The following MRPS17 variants were observed in gnomAD, a reference collection of about 807,000 sequenced individuals.
MRPS17 encodes the protein mitochondrial ribosomal protein S17.
Under a neutral mutation model 11.3 loss-of-function variants are expected in MRPS17, and 6 were observed. The ratio of observed to expected loss-of-function variants is 0.53; its 90% CI spans 0.29 to 1.05. MRPS17 has a LOEUF of 1.05. Ranked by LOEUF, MRPS17 falls within the 50% of genes least tolerant of loss-of-function variation. The pLI is 0.08. For synonymous variants in MRPS17, 56 were observed against 60.4 expected (o/e 0.93, Z 0.34); for missense variants, 139 against 153.6 (o/e 0.90, Z 0.50).
At chr7:55,953,070 G>A in intron 1 of MRPS17, 109 bp from the exon 2 acceptor site, 2 of 1,189,676 alleles carry the variant, frequency 1.7e-6, no homozygotes, top group Non-Finnish European at 2.4e-6. Context: ...GTGGAGGGGG[G>A]AACGAAAAAG....
chr7:55,952,592 C>T (rs931974218), intron 1 of MRPS17, among the ~76,000 whole-genome samples: 1 of 151,480 alleles, frequency 6.6e-6, no homozygotes, highest in African/African-American at 2.4e-5. Context: ...AAAATTAGCT[C>T]GGCGTGGTGG....
In MRPS17 at chr7:55,956,381, A is replaced by C. The variant is rs1000720848; in HGVS notation, c.*1203A>C. The C allele has an allele frequency of 6.6e-6, 1 of 152,296 alleles. No homozygotes were observed. The highest frequency in any genetic ancestry group is 2.4e-5 in the African/African-American group (1 of 41,566). 9.4% of individuals were successfully genotyped at this position (152,296 alleles called of 1,614,324 possible). A position where few individuals can be genotyped will look rare whatever the true frequency, so the allele number is the denominator to read the frequency against. ...TGATCCGCCCGCCTGGGCCTCTCAA[A>C]GTGCTTGGATTACAGGCATGAGCCA... is the stretch of plus-strand genomic sequence containing the variant. On this transcript the variant is annotated 3_prime_UTR_variant, in exon 3 of 3. Coordinates refer to ENST00000285298, the MANE Select transcript of MRPS17 (RefSeq NM_015969.3).
rs1436635428 is a variant in MRPS17 at position 55,955,386 on chromosome 7, C to G, written c.*208C>G. ...AATTTTCATCATTTCAGTGAACATA[C>G]TTCCACGTTACATTAAGTGTGCCTA... On this transcript the variant is annotated 3_prime_UTR_variant, in exon 3 of 3. Transcript: ENST00000285298. 1 of 611,904 alleles carries G rather than the reference C, an allele frequency of 1.6e-6. No individual in the cohort carries two copies. The highest frequency in any genetic ancestry group is 2.8e-6 in the Non-Finnish European group (1 of 355,292). The allele number at this position is 611,904 out of a possible 1,614,324, so 37.9% of individuals were successfully genotyped here.
In MRPS17 at chr7:55,953,590, T is replaced by G. The variant is rs1300176189; in HGVS notation, c.123+272T>G. ...TAATCCCAGCACTTTGGGAGGCCGA[T>G]GCGGTTGGATCACCTGAGATCAGGA... On this transcript the variant is annotated intron_variant, in intron 2 of 2. Coordinates refer to ENST00000285298, the MANE Select transcript of MRPS17 (RefSeq NM_015969.3). 2.6e-5 allele frequency among the ~76,000 whole-genome samples: 4 copies of G among 152,044 alleles called. No homozygotes were observed. The South Asian group carries it at 8.3e-4, about 31-fold the overall frequency.
Position 55,953,165 on chromosome 7 carries a change from A to C in MRPS17, c.-17-14A>C. 1 of 1,613,622 alleles carries C rather than the reference A, an allele frequency of 6.2e-7. No individual in the cohort carries two copies. Among genetic ancestry groups the C allele is most frequent in the Admixed American group, 1.7e-5 (1 of 59,850 alleles). The stretch of plus-strand genomic sequence containing the variant: ...TAACCACCAGAATATGAGACTTTGG[A>C]ATTTGCTTTTCAGGTGACCAAAGCC... On this transcript the variant is annotated splice_polypyrimidine_tract_variant and intron_variant, in intron 1 of 2. Transcript: ENST00000285298.
chr7:55,954,787 T>C lies in MRPS17; in HGVS notation c.124-122T>C, dbSNP rs1022217160. The C allele has an allele frequency of 3.3e-6, 4 of 1,215,474 alleles. No homozygotes were observed. The African/African-American group carries it at 6.1e-5, about 18-fold the overall frequency. The allele number at this position is 1,215,474 out of a possible 1,614,324, so 75.3% of individuals were successfully genotyped here. On this transcript the variant is annotated intron_variant, in intron 2 of 2. Coordinates refer to ENST00000285298, the MANE Select transcript of MRPS17 (RefSeq NM_015969.3). ...TCTAATTTTTGTACTAGAAGCCTCCTTAGTATCTTATCTTTTCCTAAGTCC... is the reference window on the plus strand; with the variant it reads ...TCTAATTTTTGTACTAGAAGCCTCCCTAGTATCTTATCTTTTCCTAAGTCC...
intron 1 of MRPS17, among the ~76,000 whole-genome samples, chr7:55,952,803 G>A (rs1427077378): frequency 6.6e-6 from 1 of 151,874 alleles, no homozygotes; most frequent in Non-Finnish European, 1.5e-5. Context: ...AGGCCGAGGC[G>A]GGCGGATCAC....
chr7:55,954,037 C>T (rs1413539179), intron 2 of MRPS17, among the ~76,000 whole-genome samples: 3 of 152,010 alleles, frequency 2.0e-5, no homozygotes, highest in Non-Finnish European at 4.4e-5. Context: ...CTTGGAAACA[C>T]GGGTAGGGAT....
In MRPS17 at chr7:55,955,265, G is replaced by A; in HGVS notation, c.*87G>A. ...ATTTTTCTAAGTTTCATCACAAACTGTGTCCAGTTTCTCTGTGGTGTTTAT... is the reference window on the plus strand; with the variant it reads ...ATTTTTCTAAGTTTCATCACAAACTATGTCCAGTTTCTCTGTGGTGTTTAT... On this transcript the variant is annotated 3_prime_UTR_variant, in exon 3 of 3. Coordinates refer to ENST00000285298, the MANE Select transcript of MRPS17 (RefSeq NM_015969.3). 6.7e-7 allele frequency: 1 copy of A among 1,481,594 alleles called. No homozygotes were observed. Among genetic ancestry groups the A allele is most frequent in the Non-Finnish European group, 9.1e-7 (1 of 1,099,022 alleles). 91.8% of individuals were successfully genotyped at this position (1,481,594 alleles called of 1,614,324 possible).
intron 2 of MRPS17, among the ~76,000 whole-genome samples, chr7:55,954,572 AC>A (rs1163538082): frequency 6.6e-6 from 1 of 152,172 alleles, no homozygotes. Context: ...TACTAAAAAA[AC>A]ATACAAAAAA....
intron 1 of MRPS17, among the ~76,000 whole-genome samples, chr7:55,952,714 G>C: frequency 6.7e-6 from 1 of 150,230 alleles, no homozygotes; most frequent in Admixed American, 6.7e-5. Flanking sequence ...CAGACTGGGC[G>C]AAAGAACTAA....
Position 55,954,996 on chromosome 7 carries a change from G to A in MRPS17, c.211G>A (p.Val71Ile), listed in dbSNP as rs142912165. The change falls in exon 3 of 3, where the codon GTT (valine) becomes ATT (isoleucine). Residue 71 changes from valine (V) to isoleucine (I), a missense_variant. Physicochemically the swap from Val to Ile is conservative, Grantham distance 29. Coordinates refer to ENST00000285298, the MANE Select transcript of MRPS17 (RefSeq NM_015969.3). Reference protein sequence around the residue: ...GDIVLLRALPVPRAKHVKHEL... With the variant: ...GDIVLLRALPIPRAKHVKHEL... Reference sequence around the variant, plus strand: ...TATTGTGCTTCTCAGAGCTTTACCTGTTCCACGAGCAAAGCATGTGAAACA... The same window carrying A: ...TATTGTGCTTCTCAGAGCTTTACCTATTCCACGAGCAAAGCATGTGAAACA... 0.011 allele frequency: 17,014 copies of A among 1,614,134 alleles called. 109 individuals are homozygous for A. The highest frequency in any genetic ancestry group is 0.013 in the Non-Finnish European group (15,204 of 1,180,030).
chr7:55,955,454 G>C lies in MRPS17; in HGVS notation c.*276G>C, dbSNP rs1786713478. ...GTAAGCTCACAGTTTTTTGTTTTGA[G>C]ATGGAATCTCACTCTGTCACCCAGG... is the stretch of plus-strand genomic sequence containing the variant. On this transcript the variant is annotated 3_prime_UTR_variant, in exon 3 of 3. Transcript: ENST00000285298. 1 of 370,754 alleles carries C rather than the reference G, an allele frequency of 2.7e-6. No homozygotes were observed. Among genetic ancestry groups the C allele is most frequent in the Non-Finnish European group, 5.0e-6 (1 of 201,434 alleles). 23.0% of individuals were successfully genotyped at this position (370,754 alleles called of 1,614,324 possible). A position where few individuals can be genotyped will look rare whatever the true frequency, so the allele number is the denominator to read the frequency against.
chr7:55,952,845 C>G (rs971358205), intron 1 of MRPS17, among the ~76,000 whole-genome samples: 1 of 151,740 alleles, frequency 6.6e-6, no homozygotes, highest in Non-Finnish European at 1.5e-5. Flanking sequence ...TCCTGGCTAA[C>G]ACGGTGAAAC....
At position 55,956,426 on chromosome 7, in the gene MRPS17, A is replaced by G. The variant is rs1000605941; in HGVS notation, c.*1248A>G. 4.6e-5 allele frequency: 7 copies of G among 152,108 alleles called. No individual in the cohort carries two copies. Among genetic ancestry groups the G allele is most frequent in the African/African-American group, 1.4e-4 (6 of 41,428 alleles). 9.4% of individuals were successfully genotyped at this position (152,108 alleles called of 1,614,324 possible). ...GAGCCACTGCATGTAATGACCAGCC[A>G]CTGGTCAGAATTCTTTCAATCAAGC... On this transcript the variant is annotated 3_prime_UTR_variant, in exon 3 of 3. Transcript: ENST00000285298.
chr7:55,953,430 T>C, intron 2 of MRPS17, 112 bp downstream of exon 2: 1 of 1,463,442 alleles, frequency 6.8e-7, no homozygotes, highest in Non-Finnish European at 9.2e-7. Context: ...TCATCTGCTT[T>C]GAGCCAGGCA....
chr7:55,953,410 G>A, intron 2 of MRPS17, 92 bp downstream of exon 2: 1 of 1,537,926 alleles, frequency 6.5e-7, no homozygotes, highest in South Asian at 1.2e-5. Flanking sequence ...CAGTAAAGAT[G>A]TCTTGTCTCT....
At position 55,955,353 on chromosome 7, in the gene MRPS17, G is replaced by A. The variant is rs1261637936; in HGVS notation, c.*175G>A. ...TGGTTTTTCACAAAGGTTTATGGTCGTGTTTCAAATTTTCATCATTTCAGT... is the reference window on the plus strand; with the variant it reads ...TGGTTTTTCACAAAGGTTTATGGTCATGTTTCAAATTTTCATCATTTCAGT... On this transcript the variant is annotated 3_prime_UTR_variant, in exon 3 of 3. Coordinates refer to ENST00000285298, the MANE Select transcript of MRPS17 (RefSeq NM_015969.3). 15 of 779,164 alleles carry A rather than the reference G, an allele frequency of 1.9e-5. No homozygotes were observed. The highest frequency in any genetic ancestry group is 3.8e-4 in the Middle Eastern group (1 of 2,662). The allele number at this position is 779,164 out of a possible 1,614,324, so 48.3% of individuals were successfully genotyped here. A position where few individuals can be genotyped will look rare whatever the true frequency, so the allele number is the denominator to read the frequency against.
Sources: gnomAD v4.1 joint callset for allele counts (sites outside exome capture counted in the v4.1 genomes callset) on GRCh38, gnomAD v4.1.1 for gene constraint, MANE v1.5 for transcripts, NCBI Gene and HGNC (gene_info 2026-07-23, HGNC 2026-07-21) for gene names.